TEX15: variants seen among roughly 807,000 people sequenced by gnomAD.
The protein encoded by TEX15 is testis-expressed protein 15.
TEX15 carries 171 observed loss-of-function variants against 237.3 expected under a neutral mutation model. That is an observed-to-expected ratio of 0.72 (90% confidence interval 0.64 to 0.82). TEX15 has a LOEUF of 0.82. TEX15 is among the 40% of genes least tolerant of loss of function. The pLI is 0.00. For missense variants in TEX15, 3,750 were observed against 3,646.5 expected (o/e 1.03, Z -0.73); for synonymous variants, 1,338 against 1,269.8 (o/e 1.05, Z -1.14).
In TEX15 at chr8:30,875,016, C is replaced by A. The variant is rs1393857343; in HGVS notation, c.223G>T (p.Asp75Tyr). Residue 75 changes from aspartate (D) to tyrosine (Y), a missense_variant, in exon 4 of 11, where the codon GAT becomes TAT. Transcript: ENST00000643185. ...CCAAACTGCCATAACGACTGCAGAT[C>A]ACAGTTTACATCAAGCCTGCACTGG... ...LNQCRLDVNC[D>Y]LQSLWQFGDT... is the part of the protein sequence containing the mutation. The A allele has an allele frequency of 1.4e-6, 2 of 1,398,446 alleles. No homozygotes were observed. Among genetic ancestry groups the A allele is most frequent in the South Asian group, 3.5e-5 (2 of 56,442 alleles). 86.6% of individuals were successfully genotyped at this position (1,398,446 alleles called of 1,614,324 possible).
At chr8:30,866,750 C>T (rs1438659883) in intron 5 of TEX15, among the ~76,000 whole-genome samples, 3 of 151,678 alleles carry the variant, frequency 2.0e-5, no homozygotes, top group Non-Finnish European at 4.4e-5. Context: ...CACACGCATG[C>T]ACAAAATAGT....
At chr8:30,894,140 C>T (rs1192597390) in intron 2 of TEX15, among the ~76,000 whole-genome samples, 2 of 152,026 alleles carry the variant, frequency 1.3e-5, no homozygotes, top group African/African-American at 4.8e-5. Context: ...CATTTTAAAG[C>T]CTTTCTCATT....
rs1807494084 is a variant in TEX15, at chr8:30,842,862, GATAGCCTC to G, written c.7297_7304del (p.Glu2433HisfsTer5). On this transcript the variant is annotated frameshift_variant, in exon 8 of 11. Coordinates refer to ENST00000643185, the MANE Select transcript of TEX15 (RefSeq NM_001350162.2). LOFTEE classifies it high-confidence loss of function. Reference sequence around the variant, plus strand: ...TTTCAATAGCTTCAGGCTTTAAAATGATAGCCTCATGGCTGTGGTTTATCACCACGTCT... The same window carrying G: ...TTTCAATAGCTTCAGGCTTTAAAATGATGGCTGTGGTTTATCACCACGTCT... The G allele has an allele frequency of 1.2e-6, 2 of 1,611,726 alleles. No individual in the cohort carries two copies. Among genetic ancestry groups the G allele is most frequent in the Non-Finnish European group, 1.7e-6 (2 of 1,178,666 alleles).
In TEX15 at chr8:30,843,932, T is replaced by A. The variant is rs201139074; in HGVS notation, c.6235A>T (p.Met2079Leu). ...TCAATGAATTGAATTGTTTCCATCA[T>A]CATTTGAAGTTCTACCAAAGTGTCA... ...AVDTLVELQM[M>L]METIQFIENK... The change falls in exon 8 of 11, where the codon ATG (methionine) becomes TTG (leucine). Residue 2079 changes from methionine to leucine, a missense_variant. By Grantham distance (15) the Met-to-Leu change is conservative (BLOSUM62 2). Coordinates refer to ENST00000643185, the MANE Select transcript of TEX15 (RefSeq NM_001350162.2). 5.0e-6 allele frequency: 8 copies of A among 1,612,976 alleles called. No individual in the cohort carries two copies. In the Admixed American group the frequency reaches 1.3e-4, roughly 27 times the overall value.
chr8:30,881,450 C>T (rs1483104181), intron 3 of TEX15, among the ~76,000 whole-genome samples: 1 of 152,016 alleles, frequency 6.6e-6, no homozygotes, highest in African/African-American at 2.4e-5. Context: ...ACTTTTGATA[C>T]AACCTGTGGG....
chr8:30,847,169 CATT>C lies in TEX15; in HGVS notation c.2995_2997del (p.Asn999del). Reference sequence around the variant, plus strand: ...TTAAACTGGTATATCTGGTGATCGTCATTATTTAGGCTTAATGCAGGCATAGTA... The same window carrying C: ...TTAAACTGGTATATCTGGTGATCGTCATTTAGGCTTAATGCAGGCATAGTA... On this transcript the variant is annotated inframe_deletion, in exon 8 of 11. Transcript: ENST00000643185. The C allele has an allele frequency of 6.2e-7, 1 of 1,613,908 alleles. No homozygotes were observed. Among genetic ancestry groups the C allele is most frequent in the Non-Finnish European group, 8.5e-7 (1 of 1,179,862 alleles).
At chr8:30,840,687 A>C (rs1807430963) in intron 8 of TEX15, among the ~76,000 whole-genome samples, 1 of 152,170 alleles carries the variant, frequency 6.6e-6, no homozygotes, top group Non-Finnish European at 1.5e-5. Context: ...ACTACTACTT[A>C]TTACTATATA....
chr8:30,834,151 CT>C (rs1807241353), intron 10 of TEX15, among the ~76,000 whole-genome samples: 1 of 152,098 alleles, frequency 6.6e-6, no homozygotes. Flanking sequence ...GAGTCATGGA[CT>C]TTGTTCCTGC....
rs545640872 is a variant in TEX15 at position 30,878,694 on chromosome 8, T to C, written c.137-3592A>G. Among the ~76,000 whole-genome samples, 27 of 152,206 alleles carry C rather than the reference T, an allele frequency of 1.8e-4. 1 individual carries two copies. The South Asian group carries it at 5.2e-3, about 29-fold the overall frequency. On this transcript the variant is annotated intron_variant, in intron 3 of 10. Coordinates refer to ENST00000643185, the MANE Select transcript of TEX15 (RefSeq NM_001350162.2). ...GAGCCACTGTGCCTGGCCTGCGTGC[T>C]TACTTATTTTTTTAAAGATTGGGTC...
chr8:30,895,581 C>G (rs865881897), intron 2 of TEX15, among the ~76,000 whole-genome samples: 7 of 148,798 alleles, frequency 4.7e-5, no homozygotes, highest in Middle Eastern at 7.0e-3. Flanking sequence ...TAACGGAGCT[C>G]AGACTCAACA....
chr8:30,864,514 GAAAAAAAGAA>G lies in TEX15; in HGVS notation c.540+2741_540+2750del, dbSNP rs1006605917. On this transcript the variant is annotated intron_variant, in intron 5 of 10. Transcript: ENST00000643185. ...GGGAGTTTGAAGCTATGTCCTCAGG[GAAAAAAAGAA>G]AAAAAAAGAAAAGAAAAGAAAAAGG... 2.8e-5 allele frequency among the ~76,000 whole-genome samples: 4 copies of G among 143,326 alleles called. No individual in the cohort carries two copies. In the East Asian group the frequency reaches 8.3e-4, roughly 30 times the overall value. 94.0% of individuals were successfully genotyped at this position (143,326 alleles called of 152,430 possible).
chr8:30,903,774 T>C (rs1452048758), intron 1 of TEX15, among the ~76,000 whole-genome samples: 1 of 152,240 alleles, frequency 6.6e-6, no homozygotes, highest in Non-Finnish European at 1.5e-5. Flanking sequence ...CTTTGCCTGC[T>C]TAAAGCCACT....
Position 30,847,097 on chromosome 8 carries a change from G to GT in TEX15, c.3069dup (p.His1024ThrfsTer2). Reference sequence around the variant, plus strand: ...TCAATTTCACAATCAGAAACCCTATGTTTTACTAACAAACCAAAATCTGGA... The same window carrying GT: ...TCAATTTCACAATCAGAAACCCTATGTTTTTACTAACAAACCAAAATCTGGA... On this transcript the variant is annotated frameshift_variant, in exon 8 of 11. Transcript: ENST00000643185. LOFTEE classifies it high-confidence loss of function. The GT allele has an allele frequency of 6.2e-7, 1 of 1,613,544 alleles. No homozygotes were observed. Among genetic ancestry groups the GT allele is most frequent in the Non-Finnish European group, 8.5e-7 (1 of 1,179,744 alleles).
chr8:30,850,703 T>C (rs1390570479), intron 7 of TEX15, among the ~76,000 whole-genome samples: 1 of 151,968 alleles, frequency 6.6e-6, no homozygotes, highest in Admixed American at 6.6e-5. Flanking sequence ...AAAAACTCCA[T>C]AAAAGTACTA....
chr8:30,911,075 T>C (rs1460277381), intron 1 of TEX15, among the ~76,000 whole-genome samples: 1 of 152,152 alleles, frequency 6.6e-6, no homozygotes, highest in Non-Finnish European at 1.5e-5. Flanking sequence ...ATTTAACCAT[T>C]TTCTCAATGT....
intron 1 of TEX15, among the ~76,000 whole-genome samples, chr8:30,901,814 T>C (rs1335022643): frequency 6.6e-6 from 1 of 152,192 alleles, no homozygotes; most frequent in Non-Finnish European, 1.5e-5. Context: ...TCTTAACTTC[T>C]GGAATATGGA....
chr8:30,866,485 T>C (rs938473918), intron 5 of TEX15, among the ~76,000 whole-genome samples: 7 of 152,174 alleles, frequency 4.6e-5, no homozygotes, highest in Admixed American at 2.0e-4. Context: ...GATCCAAAGA[T>C]CATCACTCAT....
rs1452261354 is a variant in TEX15, at chr8:30,839,936, T to C, written c.8192A>G (p.Asn2731Ser). 7 of 1,601,476 alleles carry C rather than the reference T, an allele frequency of 4.4e-6. No homozygotes were observed. The highest frequency in any genetic ancestry group is 2.3e-5 in the South Asian group (2 of 88,472). ...ATGCTTGAATGTTGCCTTTTCTCTG[T>C]TGATTTTTGTGACATCTTTCATGTC... is the stretch of plus-strand genomic sequence containing the variant. ...KVDMKDVTKI[N>S]REKATFKHPR... The change falls in exon 9 of 11, where the codon AAC (asparagine) becomes AGC (serine). Residue 2731 changes from asparagine to serine, a missense_variant. Transcript: ENST00000643185.
chr8:30,872,480 T>C (rs1808311769), intron 4 of TEX15, among the ~76,000 whole-genome samples: 1 of 152,224 alleles, frequency 6.6e-6, no homozygotes, highest in African/African-American at 2.4e-5. Flanking sequence ...TTTAGTATAC[T>C]ATACTTTTTA....
Sources: allele counts gnomAD v4.1 joint callset (sites outside exome capture counted in the v4.1 genomes callset), GRCh38; gene constraint gnomAD v4.1.1; transcripts MANE v1.5; gene names NCBI Gene and HGNC (gene_info 2026-07-23, HGNC 2026-07-21).